The following FRS2 variants were observed in gnomAD, a reference collection of about 807,000 sequenced individuals.
FRS2 encodes fibroblast growth factor receptor substrate 2, also known as FGFR signalling adaptor.
Under a neutral mutation model 43.9 loss-of-function variants are expected in FRS2, and 8 were observed. The observed-to-expected ratio is 0.18, with a 90% CI of 0.11 to 0.33. The LOEUF (loss-of-function observed/expected upper bound fraction) is 0.33, where lower values mean the gene tolerates loss of function less well. FRS2 is among the 10% of genes least tolerant of loss of function. FRS2 has a pLI of 1.00. For synonymous variants in FRS2, 219 were observed against 220.3 expected (o/e 0.99, Z 0.05); for missense variants, 534 against 627.6 (o/e 0.85, Z 1.59).
chr12:69,561,213 G>A (rs1225516835), intron 3 of FRS2, among the ~76,000 whole-genome samples: 1 of 152,144 alleles, frequency 6.6e-6, no homozygotes, highest in East Asian at 1.9e-4. Flanking sequence ...GGACAGGATT[G>A]CCACCCACCT....
At chr12:69,477,978 T>C (rs1870990745) in intron 1 of FRS2, among the ~76,000 whole-genome samples, 1 of 151,680 alleles carries the variant, frequency 6.6e-6, no homozygotes, top group African/African-American at 2.4e-5. Flanking sequence ...CCTGACCTTG[T>C]GATCCGCCCA....
chr12:69,483,284 C>T (rs1871505721), intron 1 of FRS2, among the ~76,000 whole-genome samples: 1 of 152,104 alleles, frequency 6.6e-6, no homozygotes, highest in African/African-American at 2.4e-5. Flanking sequence ...GGAAACAATA[C>T]CACAATCAAG....
At chr12:69,540,400 A>G (rs1397179901) in intron 3 of FRS2, among the ~76,000 whole-genome samples, 1 of 152,090 alleles carries the variant, frequency 6.6e-6, no homozygotes, top group East Asian at 1.9e-4. Context: ...TCAAAGGGGC[A>G]TAGGAGTCAC....
intron 1 of FRS2, among the ~76,000 whole-genome samples, chr12:69,507,461 AAT>A (rs1213660661): frequency 1.3e-5 from 2 of 152,210 alleles, no homozygotes; most frequent in African/African-American, 4.8e-5. Context: ...TGACACATGA[AAT>A]CCAGCAACTC....
At chr12:69,559,124 A>G (rs2135768154) in intron 3 of FRS2, among the ~76,000 whole-genome samples, 1 of 152,324 alleles carries the variant, frequency 6.6e-6, no homozygotes, top group Admixed American at 6.5e-5. Flanking sequence ...CAGCCCGGGC[A>G]ACATAGACCC....
intron 3 of FRS2, among the ~76,000 whole-genome samples, chr12:69,554,872 CTTT>C (rs747422811): frequency 7.5e-6 from 1 of 133,324 alleles, no homozygotes; most frequent in Admixed American, 7.6e-5. Context: ...GCCCAGCTAA[CTTT>C]TTTTTTTTTT....
At chr12:69,475,020 T>C (rs1469283128) in intron 1 of FRS2, among the ~76,000 whole-genome samples, 1 of 145,236 alleles carries the variant, frequency 6.9e-6, no homozygotes, top group Non-Finnish European at 1.5e-5. Flanking sequence ...TAAGATACTT[T>C]TATCCATTAT....
chr12:69,538,125 C>T (rs1461898958), intron 3 of FRS2: 3 of 149,314 alleles, frequency 2.0e-5, no homozygotes, highest in Admixed American at 6.7e-5. Context: ...AAGTCAAGAG[C>T]CACCTTTCGT....
intron 3 of FRS2, among the ~76,000 whole-genome samples, chr12:69,550,589 C>G (rs1376295281): frequency 2.6e-5 from 4 of 152,170 alleles, no homozygotes; most frequent in Admixed American, 2.6e-4. Flanking sequence ...GGAGCAAGAC[C>G]TGTCTCAAAA....
chr12:69,542,488 G>A (rs1306946459), intron 3 of FRS2, among the ~76,000 whole-genome samples: 1 of 151,870 alleles, frequency 6.6e-6, no homozygotes, highest in African/African-American at 2.4e-5. Flanking sequence ...GTATAAAGAA[G>A]AAAAAAGACT....
chr12:69,481,588 G>T (rs1195158269), intron 1 of FRS2, among the ~76,000 whole-genome samples: 1 of 152,060 alleles, frequency 6.6e-6, no homozygotes, highest in African/African-American at 2.4e-5. Flanking sequence ...AACCTGGCCC[G>T]AGAAATTTAA....
chr12:69,559,262 A>G (rs1047345988), intron 3 of FRS2, among the ~76,000 whole-genome samples: 4 of 152,230 alleles, frequency 2.6e-5, no homozygotes, highest in Non-Finnish European at 2.9e-5. Context: ...CTTATGTTTT[A>G]TAGAGAAATG....
At chr12:69,552,490 C>T (rs1878975440) in intron 3 of FRS2, among the ~76,000 whole-genome samples, 1 of 152,096 alleles carries the variant, frequency 6.6e-6, no homozygotes, top group Admixed American at 6.6e-5. Context: ...ACAAAGGCTT[C>T]TGATGCTTAA....
chr12:69,477,785 G>C (rs537515458), intron 1 of FRS2, among the ~76,000 whole-genome samples: 22 of 150,280 alleles, frequency 1.5e-4, no homozygotes, highest in Admixed American at 6.6e-4. Flanking sequence ...CTGTTGCCCA[G>C]GCTGGAGTGC....
At chr12:69,530,743 A>G (rs1179742814) in intron 1 of FRS2, 122 bp from the exon 2 acceptor site, 2 of 152,468 alleles carry the variant, frequency 1.3e-5, no homozygotes, top group Admixed American at 6.6e-5. Flanking sequence ...ACCCTGTCTC[A>G]AAGGGGAAAA....
At position 69,574,824 on chromosome 12, in the gene FRS2, A is replaced by G; in HGVS notation, c.1396A>G (p.Arg466Gly). The change falls in exon 9 of 9, where the codon AGG becomes GGG. Residue 466 changes from arginine (R) to glycine (G), a missense_variant. Transcript: ENST00000549921. ...PTTPLPQTPT[R>G]RTELYAVIDI... is the part of the protein sequence containing the mutation. ...AACTCCCCTTCCACAAACCCCTACC[A>G]GGCGCACAGAGCTGTATGCCGTGAT... 1.2e-6 allele frequency: 2 copies of G among 1,614,020 alleles called. No individual in the cohort carries two copies. Among genetic ancestry groups the G allele is most frequent in the Non-Finnish European group, 1.7e-6 (2 of 1,179,940 alleles).
chr12:69,481,955 G>T (rs1871380842), intron 1 of FRS2, among the ~76,000 whole-genome samples: 2 of 148,588 alleles, frequency 1.3e-5, no homozygotes, highest in Admixed American at 6.7e-5. Flanking sequence ...ATTTTTCCTT[G>T]TAACAAGCAG....
intron 1 of FRS2, among the ~76,000 whole-genome samples, chr12:69,481,497 C>T (rs1871342666): frequency 6.6e-6 from 1 of 151,774 alleles, no homozygotes; most frequent in Non-Finnish European, 1.5e-5. Context: ...ACCAGGCTGA[C>T]CAGGTTGGTC....
intron 3 of FRS2, among the ~76,000 whole-genome samples, chr12:69,535,888 A>C (rs1362996021): frequency 1.3e-5 from 2 of 152,092 alleles, no homozygotes; most frequent in African/African-American, 4.8e-5. Context: ...AATGTATGCT[A>C]TTAAGTACAT....
Sources: allele counts gnomAD v4.1 joint callset (sites outside exome capture counted in the v4.1 genomes callset), GRCh38; gene constraint gnomAD v4.1.1; transcripts MANE v1.5; gene names NCBI Gene and HGNC (gene_info 2026-07-23, HGNC 2026-07-21).